The following SNX9 variants were observed in gnomAD, a reference collection of about 807,000 sequenced individuals.
SNX9 encodes the protein sorting nexin-9.
In SNX9, 44 loss-of-function variants were observed where a neutral mutation model predicts 89.4. The ratio of observed to expected loss-of-function variants is 0.49; its 90% confidence interval spans 0.39 to 0.63. The LOEUF (loss-of-function observed/expected upper bound fraction) is 0.63, where lower values mean the gene tolerates loss of function less well. Among genes scored for constraint, SNX9 ranks in the 30% least tolerant of loss-of-function variants. The pLI is 0.00. For synonymous variants in SNX9, 236 were observed against 247.8 expected (o/e 0.95, Z 0.45); for missense variants, 578 against 736.1 (o/e 0.79, Z 2.49).
At chr6:157,932,092 T>C in intron 12 of SNX9, 103 bp from the exon 13 acceptor site, 1 of 961,184 alleles carries the variant, frequency 1.0e-6, no homozygotes, top group South Asian at 1.4e-5. Flanking sequence ...ATATAGACTA[T>C]TTTGAATCAC....
intron 9 of SNX9, among the ~76,000 whole-genome samples, chr6:157,917,870 G>A (rs552482952): frequency 2.6e-5 from 4 of 152,216 alleles, no homozygotes; most frequent in South Asian, 4.1e-4. Context: ...ATCCATGGGT[G>A]CAGAGACCGT....
intron 12 of SNX9, among the ~76,000 whole-genome samples, chr6:157,929,323 C>G (rs572746880): frequency 4.6e-4 from 70 of 152,304 alleles, no homozygotes; most frequent in African/African-American, 1.6e-3. Context: ...AAAAATAGTC[C>G]CGTATCCAGC....
At chr6:157,934,672 T>G (rs1295599052) in intron 13 of SNX9, among the ~76,000 whole-genome samples, 1 of 152,244 alleles carries the variant, frequency 6.6e-6, no homozygotes, top group Non-Finnish European at 1.5e-5. Context: ...AGCAAATACG[T>G]AATTATGTTA....
In SNX9 at chr6:157,944,929, A is replaced by G. The variant is rs1201973060; in HGVS notation, c.*2091A>G. Reference sequence around the variant, plus strand: ...GGAAGATTCTCCTTCAAGTGGCAACATGGCATATATATCCTTCTCCGGGGA... The same window carrying G: ...GGAAGATTCTCCTTCAAGTGGCAACGTGGCATATATATCCTTCTCCGGGGA... On this transcript the variant is annotated 3_prime_UTR_variant, in exon 18 of 18. Coordinates refer to ENST00000392185, the MANE Select transcript of SNX9 (RefSeq NM_016224.5). 1 of 152,244 alleles carries G rather than the reference A, an allele frequency of 6.6e-6. No homozygotes were observed. The highest frequency in any genetic ancestry group is 6.5e-5 in the Admixed American group (1 of 15,286). 9.4% of individuals were successfully genotyped at this position (152,244 alleles called of 1,614,324 possible).
intron 1 of SNX9, among the ~76,000 whole-genome samples, chr6:157,851,554 C>T (rs1781911698): frequency 6.6e-6 from 1 of 152,068 alleles, no homozygotes; most frequent in Non-Finnish European, 1.5e-5. Flanking sequence ...CTTCATTTGC[C>T]TATTCTAGGT....
At chr6:157,877,281 C>CGGG (rs35949336) in intron 4 of SNX9, among the ~76,000 whole-genome samples, 6 of 150,320 alleles carry the variant, frequency 4.0e-5, no homozygotes, top group African/African-American at 1.5e-4. Flanking sequence ...AAAAAAAAAG[C>CGGG]GGGGGGGGCA....
intron 6 of SNX9, among the ~76,000 whole-genome samples, chr6:157,902,877 A>G (rs892782798): frequency 1.3e-5 from 2 of 151,994 alleles, no homozygotes; most frequent in African/African-American, 4.8e-5. Flanking sequence ...CACGTTGGCC[A>G]GGCTGGTCTC....
At chr6:157,826,748 A>C (rs1208040149) in intron 1 of SNX9, among the ~76,000 whole-genome samples, 1 of 123,498 alleles carries the variant, frequency 8.1e-6, no homozygotes, top group Non-Finnish European at 1.5e-5. Flanking sequence ...TATTTATATT[A>C]TAGGTTTTAT....
chr6:157,871,773 CTTTTTTTTTT>C (rs750179923), intron 2 of SNX9, among the ~76,000 whole-genome samples: 1 of 122,216 alleles, frequency 8.2e-6, no homozygotes, highest in Non-Finnish European at 1.7e-5. Flanking sequence ...TCAGTCTTAC[CTTTTTTTTTT>C]TTTTTTTTTT....
intron 11 of SNX9, 41 bp downstream of exon 11, chr6:157,927,255 C>A: frequency 7.1e-7 from 1 of 1,417,872 alleles, no homozygotes; most frequent in Non-Finnish European, 1.0e-6. Context: ...TCAATCCGCA[C>A]CCTCCTCCTT....
chr6:157,942,935 G>C lies in SNX9; in HGVS notation c.*97G>C, dbSNP rs1051587254. On this transcript the variant is annotated 3_prime_UTR_variant, in exon 18 of 18. Transcript: ENST00000392185. ...TTCCCCTATTATTCAGAAAAAAAAGGAAACAAAACCAAAAAGAAAGAGTTG... is the reference window on the plus strand; with the variant it reads ...TTCCCCTATTATTCAGAAAAAAAAGCAAACAAAACCAAAAAGAAAGAGTTG... The C allele has an allele frequency of 2.1e-5, 28 of 1,323,222 alleles. No homozygotes were observed. The South Asian group carries it at 3.7e-4, about 17-fold the overall frequency. 82.0% of individuals were successfully genotyped at this position (1,323,222 alleles called of 1,614,324 possible). A position where few individuals can be genotyped will look rare whatever the true frequency, so the allele number is the denominator to read the frequency against.
intron 13 of SNX9, among the ~76,000 whole-genome samples, chr6:157,935,636 C>T (rs1783907875): frequency 6.6e-6 from 1 of 152,198 alleles, no homozygotes; most frequent in African/African-American, 2.4e-5. Flanking sequence ...CCTGAGAGGC[C>T]TCATTATAGC....
chr6:157,841,618 G>A (rs1299010109), intron 1 of SNX9, among the ~76,000 whole-genome samples: 1 of 152,178 alleles, frequency 6.6e-6, no homozygotes, highest in African/African-American at 2.4e-5. Context: ...CCCATGGGGA[G>A]GTGGTTGCCA....
chr6:157,911,106 C>T (rs564271661), intron 9 of SNX9, among the ~76,000 whole-genome samples: 2 of 140,720 alleles, frequency 1.4e-5, no homozygotes, highest in East Asian at 3.9e-4. Context: ...GAGCGAGACT[C>T]TGTCTCAAAT....
chr6:157,859,154 T>TAC (rs1044546657), intron 1 of SNX9, among the ~76,000 whole-genome samples: 4 of 152,178 alleles, frequency 2.6e-5, no homozygotes, highest in Admixed American at 6.5e-5. Flanking sequence ...ACAGGTGACA[T>TAC]ACACACACAC....
At chr6:157,883,354 T>C (rs565127803) in intron 4 of SNX9, among the ~76,000 whole-genome samples, 2 of 152,314 alleles carry the variant, frequency 1.3e-5, no homozygotes, top group Non-Finnish European at 2.9e-5. Context: ...ACCCTCAGCA[T>C]TGCTGACGTA....
At chr6:157,887,984 A>G (rs1271189318) in intron 4 of SNX9, among the ~76,000 whole-genome samples, 3 of 152,194 alleles carry the variant, frequency 2.0e-5, no homozygotes, top group African/African-American at 2.4e-5. Flanking sequence ...TTGGAAGCGC[A>G]TCAGTCAGTT....
At chr6:157,827,922 A>G (rs1414340720) in intron 1 of SNX9, among the ~76,000 whole-genome samples, 3 of 150,716 alleles carry the variant, frequency 2.0e-5, no homozygotes, top group Non-Finnish European at 2.9e-5. Flanking sequence ...TGTGTTACAC[A>G]GCTTGTCTGG....
intron 4 of SNX9, among the ~76,000 whole-genome samples, chr6:157,883,822 G>T (rs1268903977): frequency 6.6e-6 from 1 of 152,024 alleles, no homozygotes; most frequent in Non-Finnish European, 1.5e-5. Context: ...TACTTCTCTG[G>T]ATTCCCTTAG....
Sources: gnomAD v4.1 joint callset for allele counts (sites outside exome capture counted in the v4.1 genomes callset) on GRCh38, gnomAD v4.1.1 for gene constraint, MANE v1.5 for transcripts, NCBI Gene and HGNC (gene_info 2026-07-23, HGNC 2026-07-21) for gene names.